ZNF592: variants seen among roughly 807,000 people sequenced by gnomAD.
ZNF592 encodes spinocerebellar ataxia, autosomal recessive 5.
A neutral mutation model predicts 80.3 loss-of-function variants in ZNF592; 11 were observed. That is an observed-to-expected ratio of 0.14 (90% confidence interval 0.09 to 0.23). ZNF592 has a LOEUF of 0.23. Ranked by LOEUF, ZNF592 falls within the 10% of genes least tolerant of loss-of-function variation. The pLI, the probability that ZNF592 is intolerant of heterozygous loss-of-function variation, is 1.00. For synonymous variants in ZNF592, 646 were observed against 640.3 expected, an observed-to-expected ratio of 1.01 and a Z score of -0.13; for missense variants, 1,420 against 1,633.9, an observed-to-expected ratio of 0.87 and a Z score of 2.26.
At position 84,802,059 on chromosome 15, in the gene ZNF592, T is replaced by A; in HGVS notation, c.3470T>A (p.Leu1157His). ...QVDSSTAQCLLCGLCYTSASS... is the reference protein window; with the variant it reads ...QVDSSTAQCLHCGLCYTSASS... ...GACAGCTCCACAGCCCAATGTCTCC[T>A]CTGTGGTTTGTGCTACACCTCTGCC... The change falls in exon 11 of 11, where the codon CTC (leucine) becomes CAC (histidine). Residue 1157 changes from leucine (L) to histidine (H), a missense_variant. Leu to His is a moderately conservative substitution (Grantham distance 99). Around this residue, in one of 7 missense-constraint regions of ZNF592, gnomAD observed 145 missense variants for 211.9 expected, o/e 0.68. Transcript: ENST00000560079. 1 of 1,613,796 alleles carries A rather than the reference T, an allele frequency of 6.2e-7. No homozygotes were observed. The highest frequency in any genetic ancestry group is 1.7e-4 in the Middle Eastern group (1 of 5,938).
At chr15:84,801,223 G>A (rs1216097729) in intron 10 of ZNF592, among the ~76,000 whole-genome samples, 1 of 152,244 alleles carries the variant, frequency 6.6e-6, no homozygotes, top group Non-Finnish European at 1.5e-5. Flanking sequence ...TATTCAGGAG[G>A]CTGAGGTGGG....
intron 5 of ZNF592, among the ~76,000 whole-genome samples, chr15:84,794,929 G>A (rs1041285528): frequency 6.6e-6 from 1 of 152,056 alleles, no homozygotes; most frequent in African/African-American, 2.4e-5. Flanking sequence ...CTCCCATTCT[G>A]TGGATGTTAA....
At position 84,759,970 on chromosome 15, in the gene ZNF592, CT is replaced by C. The variant is rs1455313027; in HGVS notation, c.-258-4736del. 2.6e-3 allele frequency among the ~76,000 whole-genome samples: 208 copies of C among 79,930 alleles called. 9 individuals carry two copies. Among genetic ancestry groups the C allele is most frequent in the East Asian group, 0.018 (27 of 1,520 alleles). 52.4% of individuals were successfully genotyped at this position (79,930 alleles called of 152,430 possible). ...TGGGGAGATTCCCCCCCCCCCCACC[CT>C]GCCATTTAAAAAGTAATATGTGCTT... On this transcript the variant is annotated intron_variant, in intron 1 of 10. Transcript: ENST00000560079.
At chr15:84,780,524 G>A (rs1208410741) in intron 3 of ZNF592, among the ~76,000 whole-genome samples, 1 of 152,148 alleles carries the variant, frequency 6.6e-6, no homozygotes, top group African/African-American at 2.4e-5. Context: ...TCTCATTCCA[G>A]TGGGGTATTC....
chr15:84,777,941 G>A (rs1246331650), intron 2 of ZNF592, among the ~76,000 whole-genome samples: 3 of 151,920 alleles, frequency 2.0e-5, no homozygotes, highest in African/African-American at 4.8e-5. Flanking sequence ...CTGGTGATCC[G>A]CCCGCCTCGG....
rs546308037 is a variant in ZNF592, at chr15:84,802,198, G to A, written c.3609G>A (p.Glu1203=). The A allele has an allele frequency of 1.2e-6, 2 of 1,600,974 alleles. No homozygotes were observed. The highest frequency in any genetic ancestry group is 1.7e-5 in the Admixed American group (1 of 59,382). Residue 1203 remains glutamate (E), a synonymous_variant, in exon 11 of 11, where the codon GAG becomes GAA. Transcript: ENST00000560079. ...EMAVEVAEPE[E]GSGEEVPMET... ...CAGTGGAGGTGGCAGAGCCAGAGGA[G>A]GGCTCCGGGGAGGAGGTGCCCATGG...
Position 84,756,985 on chromosome 15 carries a change from C to T in ZNF592, c.-258-7722C>T, listed in dbSNP as rs113753391. 3.4e-3 allele frequency among the ~76,000 whole-genome samples: 517 copies of T among 152,062 alleles called. 6 individuals are homozygous for T. The highest frequency in any genetic ancestry group is 0.012 in the African/African-American group (493 of 41,474). On this transcript the variant is annotated intron_variant, in intron 1 of 10. Coordinates refer to ENST00000560079, the MANE Select transcript of ZNF592 (RefSeq NM_014630.3). ...TAACGTAGCTGGCCATGGTGGTGCG[C>T]GCCTGTAGTCCCAACTACTTGGGAG... is the stretch of plus-strand genomic sequence containing the variant.
chr15:84,776,143 G>GGTCT (rs1479857331), intron 2 of ZNF592, among the ~76,000 whole-genome samples: 1 of 152,194 alleles, frequency 6.6e-6, no homozygotes, highest in African/African-American at 2.4e-5. Context: ...GAGCTTACCA[G>GGTCT]GTCTGGATCT....
intron 2 of ZNF592, among the ~76,000 whole-genome samples, chr15:84,769,663 G>A (rs1321978980): frequency 6.6e-6 from 1 of 152,116 alleles, no homozygotes; most frequent in Non-Finnish European, 1.5e-5. Context: ...GGCTGTGGAG[G>A]CTGTGGGAAA....
In ZNF592 at chr15:84,784,775, C is replaced by T. The variant is rs1405388015; in HGVS notation, c.2100C>T (p.Tyr700=). The T allele has an allele frequency of 1.9e-6, 3 of 1,614,028 alleles. No homozygotes were observed. The highest frequency in any genetic ancestry group is 2.5e-6 in the Non-Finnish European group (3 of 1,180,034). ...CCCCTCCTCCAGCCTTGCCACTCTACCCAGACCCTGTGAGGCTCATCCGGT... is the reference window on the plus strand; with the variant it reads ...CCCCTCCTCCAGCCTTGCCACTCTATCCAGACCCTGTGAGGCTCATCCGGT... ...ASPPPPALPL[Y]PDPVRLIRYS... Residue 700 remains tyrosine (Y), a synonymous_variant, in exon 4 of 11, where the codon TAC becomes TAT. Coordinates refer to ENST00000560079, the MANE Select transcript of ZNF592 (RefSeq NM_014630.3). The surrounding 1 kb of genome is among the most constrained non-coding windows in gnomAD (Gnocchi z 5.8).
At chr15:84,774,378 T>C (rs976098821) in intron 2 of ZNF592, among the ~76,000 whole-genome samples, 18 of 152,250 alleles carry the variant, frequency 1.2e-4, no homozygotes, top group Non-Finnish European at 2.4e-4. Context: ...ATTTATATAA[T>C]TATGAAGACT....
In ZNF592 at chr15:84,784,049, G is replaced by A. The variant is rs374500119; in HGVS notation, c.1374G>A (p.Ser458=). Residue 458 remains serine (S), a synonymous_variant, in exon 4 of 11, where the codon TCG becomes TCA. Coordinates refer to ENST00000560079, the MANE Select transcript of ZNF592 (RefSeq NM_014630.3). The surrounding 1 kb of genome is among the most constrained non-coding windows in gnomAD (Gnocchi z 5.8). The stretch of plus-strand genomic sequence containing the variant: ...AGAGCATGACAAAGGCCAGTGACTC[G>A]TCATCTCCCAGCTGCAGTTCTGGGC... ...GDESMTKASD[S]SSPSCSSGPR... 280 of 1,612,810 alleles carry A rather than the reference G, an allele frequency of 1.7e-4. 1 individual carries two copies. Among genetic ancestry groups the A allele is most frequent in the Non-Finnish European group, 2.2e-4 (260 of 1,179,078 alleles).
chr15:84,751,920 G>A (rs1899026970), intron 1 of ZNF592, among the ~76,000 whole-genome samples: 1 of 151,604 alleles, frequency 6.6e-6, no homozygotes, highest in African/African-American at 2.4e-5. Flanking sequence ...ACAAACAAAC[G>A]AAAACAACAA....
intron 2 of ZNF592, among the ~76,000 whole-genome samples, chr15:84,770,871 G>T (rs1281150973): frequency 6.6e-6 from 1 of 152,154 alleles, no homozygotes; most frequent in African/African-American, 2.4e-5. Flanking sequence ...GTTTCCAAGG[G>T]CCCCTTCAGC....
chr15:84,788,413 G>A (rs183033141), intron 4 of ZNF592, among the ~76,000 whole-genome samples: 2 of 151,886 alleles, frequency 1.3e-5, no homozygotes, highest in African/African-American at 4.8e-5. Flanking sequence ...TTTTGCTTCC[G>A]TGAGGGCTAT....
chr15:84,760,967 G>A (rs1567059961), intron 1 of ZNF592, among the ~76,000 whole-genome samples: 2 of 145,198 alleles, frequency 1.4e-5, no homozygotes, highest in African/African-American at 5.0e-5. Flanking sequence ...ACAGGAAGAA[G>A]TTTTTTTTTT....
At chr15:84,763,766 G>T (rs543385903) in intron 1 of ZNF592, among the ~76,000 whole-genome samples, 2 of 152,200 alleles carry the variant, frequency 1.3e-5, no homozygotes, top group African/African-American at 2.4e-5. Flanking sequence ...GGGAATGCAG[G>T]ATTAGAGTGA....
At position 84,798,288 on chromosome 15, in the gene ZNF592, C is replaced by A; in HGVS notation, c.2577-27C>A. Reference sequence around the variant, plus strand: ...AGGGGCTGCATGGTGCCTTGGCCACCTCACCCCCTAGGGCTTGTCTCATCA... The same window carrying A: ...AGGGGCTGCATGGTGCCTTGGCCACATCACCCCCTAGGGCTTGTCTCATCA... On this transcript the variant is annotated intron_variant, in intron 6 of 10. Coordinates refer to ENST00000560079, the MANE Select transcript of ZNF592 (RefSeq NM_014630.3). The surrounding 1 kb of genome is among the most constrained non-coding windows in gnomAD (Gnocchi z 4.5). 6.2e-7 allele frequency: 1 copy of A among 1,613,912 alleles called. No individual in the cohort carries two copies.
Position 84,782,666 on chromosome 15 carries a change from G to A in ZNF592, c.-10G>A, listed in dbSNP as rs753152366. ...TCTGTTTCTGTTACAGCCCTTGCCA[G>A]CATCCAGCCATGGGGGATATGAAAA... On this transcript the variant is annotated 5_prime_UTR_variant, in exon 4 of 11. Transcript: ENST00000560079. 2 of 1,614,032 alleles carry A rather than the reference G, an allele frequency of 1.2e-6. No homozygotes were observed. The highest frequency in any genetic ancestry group is 2.2e-5 in the East Asian group (1 of 44,886).
Sources: gnomAD v4.1 joint callset for allele counts (sites outside exome capture counted in the v4.1 genomes callset) on GRCh38, gnomAD v4.1.1 for gene constraint, gnomAD v4.1.1 regional missense constraint, Gnocchi (gnomAD v3.1) non-coding constraint, MANE v1.5 for transcripts, NCBI Gene and HGNC (gene_info 2026-07-23, HGNC 2026-07-21) for gene names.